The following PTPN12 variants were observed in gnomAD, a reference collection of about 807,000 sequenced individuals.
PTPN12 encodes protein tyrosine phosphatase non-receptor type 12.
In PTPN12, 29 loss-of-function variants were observed where a neutral mutation model predicts 97.6. The ratio of observed to expected loss-of-function variants is 0.30; its 90% CI spans 0.22 to 0.41. The LOEUF is 0.41. Ranked by LOEUF, PTPN12 falls within the 10% of genes least tolerant of loss-of-function variation. The pLI is 1.00. For synonymous variants in PTPN12, 327 were observed against 300.4 expected, an observed-to-expected ratio of 1.09 and a Z score of -0.91; for missense variants, 819 against 926.0, an observed-to-expected ratio of 0.88 and a Z score of 1.50.
In PTPN12 at chr7:77,635,759, CAAT is replaced by C. The variant is rs761065991; in HGVS notation, c.2075-20_2075-18del. The stretch of plus-strand genomic sequence containing the variant: ...TTTCAGAAATTCAAGGTGTTAATAA[CAAT>C]AAGATTTCATTTTTCTCAGATACAC... On this transcript the variant is annotated intron_variant, in intron 14 of 17. Coordinates refer to ENST00000248594, the MANE Select transcript of PTPN12 (RefSeq NM_002835.4). 19 of 1,518,220 alleles carry C rather than the reference CAAT, an allele frequency of 1.3e-5. No individual in the cohort carries two copies. Among genetic ancestry groups the C allele is most frequent in the Non-Finnish European group, 1.7e-5 (19 of 1,113,304 alleles). The allele number at this position is 1,518,220 out of a possible 1,614,324, so 94.0% of individuals were successfully genotyped here.
At chr7:77,589,378 A>T (rs893606186) in intron 5 of PTPN12, among the ~76,000 whole-genome samples, 10 of 152,190 alleles carry the variant, frequency 6.6e-5, no homozygotes, top group African/African-American at 2.2e-4. Context: ...TGTAGGAGGT[A>T]ATGATATATT....
chr7:77,629,558 T>C (rs1789324839), intron 13 of PTPN12, among the ~76,000 whole-genome samples: 2 of 151,976 alleles, frequency 1.3e-5, no homozygotes, highest in African/African-American at 4.8e-5. Flanking sequence ...CTTTTGCTTT[T>C]TTTTTTAAAA....
intron 12 of PTPN12, among the ~76,000 whole-genome samples, chr7:77,621,466 C>T (rs77909648): frequency 7.9e-5 from 12 of 152,068 alleles, no homozygotes; most frequent in Admixed American, 3.3e-4. Flanking sequence ...GTTGGGAGTT[C>T]GAGACCAGCC....
At chr7:77,617,875 A>G (rs1314201103) in intron 11 of PTPN12, among the ~76,000 whole-genome samples, 1 of 152,144 alleles carries the variant, frequency 6.6e-6, no homozygotes, top group Non-Finnish European at 1.5e-5. Context: ...AGAACCAAGG[A>G]TATTCTGGGG....
chr7:77,581,412 A>AT lies in PTPN12; in HGVS notation c.209-8dup, dbSNP rs1787512417. ...TGTGTCAACCATACATATTTTATGAATTTTTTTCTCGTAGTTGATCACAGC... is the reference window on the plus strand; with the variant it reads ...TGTGTCAACCATACATATTTTATGAATTTTTTTTCTCGTAGTTGATCACAGC... On this transcript the variant is annotated splice_polypyrimidine_tract_variant and intron_variant, in intron 2 of 17. Coordinates refer to ENST00000248594, the MANE Select transcript of PTPN12 (RefSeq NM_002835.4). The AT allele has an allele frequency of 3.2e-6, 5 of 1,580,398 alleles. No homozygotes were observed. Among genetic ancestry groups the AT allele is most frequent in the Non-Finnish European group, 4.3e-6 (5 of 1,153,590 alleles).
chr7:77,545,807 C>G (rs576667693), intron 1 of PTPN12: 2 of 152,026 alleles, frequency 1.3e-5, no homozygotes, highest in African/African-American at 4.8e-5. Context: ...GGTATGTATC[C>G]TCTCTTCTTT....
At chr7:77,553,749 T>C (rs978543427) in intron 1 of PTPN12, among the ~76,000 whole-genome samples, 1 of 152,232 alleles carries the variant, frequency 6.6e-6, no homozygotes, top group Non-Finnish European at 1.5e-5. Context: ...ATCTTTTAAT[T>C]GGTACATTTA....
At chr7:77,607,361 TTA>T in intron 9 of PTPN12, 60 bp downstream of exon 9, 1 of 1,206,778 alleles carries the variant, frequency 8.3e-7, no homozygotes. Context: ...TCAAACTTAA[TTA>T]TAATTGCAGT....
chr7:77,625,467 T>TGCTCGCTCGCTCGCTC (rs1298553010), intron 12 of PTPN12, among the ~76,000 whole-genome samples: 1 of 19,918 alleles, frequency 5.0e-5, no homozygotes, highest in Non-Finnish European at 7.5e-5. Context: ...TTGCCCAGGC[T>TGCTCGCTCGCTCGCTC]GCTCGCTCTC....
intron 12 of PTPN12, among the ~76,000 whole-genome samples, chr7:77,625,472 G>GCTCGCGCGCGCTCT: frequency 0.031 from 1,045 of 33,520 alleles, 192 homozygotes; most frequent in Middle Eastern, 0.083. Context: ...CAGGCTGCTC[G>GCTCGCGCGCGCTCT]CTCTCTCTCT....
chr7:77,625,472 G>GCGCGCGCGCGCTCTCT (rs1554326597), intron 12 of PTPN12, among the ~76,000 whole-genome samples: 2 of 33,522 alleles, frequency 6.0e-5, no homozygotes, highest in Non-Finnish European at 1.0e-4. Context: ...CAGGCTGCTC[G>GCGCGCGCGCGCTCTCT]CTCTCTCTCT....
At chr7:77,538,169 T>C (rs529603010) in intron 1 of PTPN12, 1 of 924,320 alleles carries the variant, frequency 1.1e-6, no homozygotes, top group South Asian at 4.9e-5. Context: ...GGGTAGGACT[T>C]AGGCCGTTTC....
chr7:77,576,520 A>G, intron 2 of PTPN12, among the ~76,000 whole-genome samples: 1 of 151,976 alleles, frequency 6.6e-6, no homozygotes, highest in Non-Finnish European at 1.5e-5. Context: ...AATACGGTGA[A>G]ACCCCGCCTC....
At chr7:77,600,266 A>C (rs1401982251) in intron 7 of PTPN12, among the ~76,000 whole-genome samples, 1 of 152,188 alleles carries the variant, frequency 6.6e-6, no homozygotes, top group African/African-American at 2.4e-5. Flanking sequence ...CTTACGGTAT[A>C]TTGCTCATCC....
intron 1 of PTPN12, among the ~76,000 whole-genome samples, chr7:77,539,357 G>A (rs1806837637): frequency 6.6e-6 from 1 of 151,992 alleles, no homozygotes; most frequent in Non-Finnish European, 1.5e-5. Flanking sequence ...TAAAAATATT[G>A]CTTATATTTA....
intron 9 of PTPN12, among the ~76,000 whole-genome samples, chr7:77,608,382 G>A (rs944910454): frequency 3.3e-5 from 5 of 152,162 alleles, no homozygotes; most frequent in Non-Finnish European, 7.4e-5. Flanking sequence ...TGTTGTGATT[G>A]TTGTTCCTAC....
At position 77,611,084 on chromosome 7, in the gene PTPN12, A is replaced by C. The variant is rs763451237; in HGVS notation, c.939+38A>C. ...GGTCTATTAATTTTAGGAAACTTTT[A>C]CTCTTTGTTAAGATGTAATATTTAG... On this transcript the variant is annotated intron_variant, in intron 11 of 17. Transcript: ENST00000248594. 3 of 1,480,500 alleles carry C rather than the reference A, an allele frequency of 2.0e-6. No homozygotes were observed. The South Asian group carries it at 3.5e-5, about 17-fold the overall frequency. The allele number at this position is 1,480,500 out of a possible 1,614,324, so 91.7% of individuals were successfully genotyped here.
In PTPN12 at chr7:77,633,895, C is replaced by T. The variant is rs963428648; in HGVS notation, c.2074+1470C>T. ...ATAACTGTCCAGTTGTGGTGGTGGG[C>T]GCCTGTAATCCCAGCTGCTTGGGAG... is the stretch of plus-strand genomic sequence containing the variant. On this transcript the variant is annotated intron_variant, in intron 14 of 17. Coordinates refer to ENST00000248594, the MANE Select transcript of PTPN12 (RefSeq NM_002835.4). Among the ~76,000 whole-genome samples the T allele has an allele frequency of 4.0e-5, 6 of 151,624 alleles. No individual in the cohort carries two copies. In the East Asian group the frequency reaches 5.9e-4, roughly 15 times the overall value.
At position 77,581,521 on chromosome 7, in the gene PTPN12, A is replaced by G. The variant is rs751542020; in HGVS notation, c.285+18A>G. 2.0e-6 allele frequency: 3 copies of G among 1,471,126 alleles called. No homozygotes were observed. In the Admixed American group the frequency reaches 5.8e-5, roughly 29 times the overall value. The allele number at this position is 1,471,126 out of a possible 1,614,324, so 91.1% of individuals were successfully genotyped here. A position where few individuals can be genotyped will look rare whatever the true frequency, so the allele number is the denominator to read the frequency against. The stretch of plus-strand genomic sequence containing the variant: ...TTATAAAGGTATGTACTAACTTTAA[A>G]TGGTGTTTCTCTGCCATATTAATGT... On this transcript the variant is annotated intron_variant, in intron 3 of 17. Coordinates refer to ENST00000248594, the MANE Select transcript of PTPN12 (RefSeq NM_002835.4).
Sources: allele counts gnomAD v4.1 joint callset (sites outside exome capture counted in the v4.1 genomes callset), GRCh38; gene constraint gnomAD v4.1.1; transcripts MANE v1.5; gene names NCBI Gene and HGNC (gene_info 2026-07-23, HGNC 2026-07-21).